The following LRP1B variants were observed in gnomAD, a reference collection of about 807,000 sequenced individuals.
The protein encoded by LRP1B is LDL receptor related protein 1B, also known as low-density lipoprotein receptor-related protein 1B.
A neutral mutation model predicts 556.6 loss-of-function variants in LRP1B; 217 were observed. The ratio of observed to expected loss-of-function variants is 0.39; its 90% CI spans 0.35 to 0.44. The LOEUF (loss-of-function observed/expected upper bound fraction) is 0.44, where lower values mean the gene tolerates loss of function less well. LRP1B is among the 20% of genes least tolerant of loss of function. The pLI, the probability that LRP1B is intolerant of heterozygous loss-of-function variation, is 1.00. For synonymous variants in LRP1B, 2,047 were observed against 1,865.8 expected (o/e 1.10, Z -2.50); for missense variants, 5,053 against 5,620.8 (o/e 0.90, Z 3.23).
At chr2:141,624,187 C>T (rs1290082370) in intron 2 of LRP1B, among the ~76,000 whole-genome samples, 1 of 151,964 alleles carries the variant, frequency 6.6e-6, no homozygotes, top group Non-Finnish European at 1.5e-5. Context: ...TTAAAGGCAG[C>T]TAGTAGGGTA....
chr2:141,958,519 T>C (rs1206948254), intron 1 of LRP1B, among the ~76,000 whole-genome samples: 1 of 151,990 alleles, frequency 6.6e-6, no homozygotes, highest in African/African-American at 2.4e-5. Context: ...ACTAATCAAC[T>C]AAAATGAATA....
chr2:141,562,454 C>T (rs1686191912), intron 2 of LRP1B, among the ~76,000 whole-genome samples: 1 of 151,924 alleles, frequency 6.6e-6, no homozygotes, highest in South Asian at 2.1e-4. Context: ...CCACTACTGA[C>T]CTCTACTACA....
chr2:141,153,712 A>T (rs897918763), intron 7 of LRP1B, among the ~76,000 whole-genome samples: 1 of 149,232 alleles, frequency 6.7e-6, no homozygotes, highest in Non-Finnish European at 1.5e-5. Context: ...AAATGAGTAA[A>T]ATCTTGAACA....
intron 41 of LRP1B, among the ~76,000 whole-genome samples, chr2:140,685,860 A>G (rs913760362): frequency 6.6e-6 from 1 of 152,174 alleles, no homozygotes; most frequent in Non-Finnish European, 1.5e-5. Context: ...GGGAGATCTT[A>G]TAGATAAAAA....
intron 3 of LRP1B, among the ~76,000 whole-genome samples, chr2:141,384,268 A>T (rs923402747): frequency 3.3e-5 from 5 of 152,154 alleles, no homozygotes; most frequent in Admixed American, 1.3e-4. Flanking sequence ...AAATGAAAGG[A>T]TACTAGAAAG....
intron 43 of LRP1B, among the ~76,000 whole-genome samples, chr2:140,576,116 G>A (rs1012372011): frequency 1.3e-5 from 2 of 152,068 alleles, no homozygotes; most frequent in Non-Finnish European, 2.9e-5. Context: ...TGCTGAAGAC[G>A]ATCCATGGAA....
intron 49 of LRP1B, among the ~76,000 whole-genome samples, chr2:140,518,879 C>G (rs541274324): frequency 2.6e-5 from 4 of 152,126 alleles, no homozygotes; most frequent in Admixed American, 2.6e-4. Flanking sequence ...TCTGCAAACA[C>G]GGACAATTTG....
At chr2:142,024,522 T>TAA (rs1245910184) in intron 1 of LRP1B, among the ~76,000 whole-genome samples, 14 of 152,014 alleles carry the variant, frequency 9.2e-5, no homozygotes, top group Non-Finnish European at 1.5e-4. Flanking sequence ...CAGTAAGAAT[T>TAA]AAACTTAAGA....
At chr2:142,056,545 A>T (rs1390540135) in intron 1 of LRP1B, among the ~76,000 whole-genome samples, 1 of 152,148 alleles carries the variant, frequency 6.6e-6, no homozygotes, top group Non-Finnish European at 1.5e-5. Flanking sequence ...TGTAATACAA[A>T]GACATATAAG....
At chr2:141,665,411 T>A (rs1690390674) in intron 2 of LRP1B, among the ~76,000 whole-genome samples, 1 of 152,164 alleles carries the variant, frequency 6.6e-6, no homozygotes, top group African/African-American at 2.4e-5. Flanking sequence ...ATGGCTATTG[T>A]TACAAAGTCA....
intron 3 of LRP1B, among the ~76,000 whole-genome samples, chr2:141,409,311 C>T (rs1690761604): frequency 6.6e-6 from 1 of 152,088 alleles, no homozygotes; most frequent in Admixed American, 6.6e-5. Flanking sequence ...AATCTTGGCT[C>T]TGTTACTTCC....
At chr2:140,470,940 C>G (rs1687743630) in intron 60 of LRP1B, among the ~76,000 whole-genome samples, 1 of 152,150 alleles carries the variant, frequency 6.6e-6, no homozygotes. Flanking sequence ...GATCCTTTCA[C>G]TGAAAGATCA....
In LRP1B at chr2:140,387,085, T is replaced by G. The variant is rs1037369698; in HGVS notation, c.10415-1076A>C. 1.1e-4 allele frequency among the ~76,000 whole-genome samples: 17 copies of G among 152,296 alleles called. No individual in the cohort carries two copies. The East Asian group carries it at 3.3e-3, about 29-fold the overall frequency. Reference sequence around the variant, plus strand: ...CACTAAAATGATAAAATTATAAGCCTTAATACAATACACAATTTAGAACAC... The same window carrying G: ...CACTAAAATGATAAAATTATAAGCCGTAATACAATACACAATTTAGAACAC... On this transcript the variant is annotated intron_variant, in intron 66 of 90. Transcript: ENST00000389484.
chr2:140,288,598 A>C (rs572069031), intron 84 of LRP1B, among the ~76,000 whole-genome samples: 56 of 151,982 alleles, frequency 3.7e-4, no homozygotes, highest in African/African-American at 1.3e-3. Flanking sequence ...GTCTCTACAT[A>C]ATTTATGTGC....
intron 1 of LRP1B, among the ~76,000 whole-genome samples, chr2:141,969,818 A>T (rs1275511530): frequency 1.3e-5 from 2 of 151,578 alleles, no homozygotes; most frequent in Non-Finnish European, 3.0e-5. Context: ...GTATCATATA[A>T]TTCTATTTTT....
intron 7 of LRP1B, among the ~76,000 whole-genome samples, chr2:141,126,732 G>A (rs900124102): frequency 6.6e-6 from 1 of 152,048 alleles, no homozygotes; most frequent in Non-Finnish European, 1.5e-5. Context: ...ACCAAAATAT[G>A]TGCTCTCTCC....
At chr2:140,820,687 A>C (rs1242743766) in intron 31 of LRP1B, among the ~76,000 whole-genome samples, 1 of 152,182 alleles carries the variant, frequency 6.6e-6, no homozygotes, top group African/African-American at 2.4e-5. Context: ...ATAGCTTGAT[A>C]AGTAAAATAG....
intron 6 of LRP1B, among the ~76,000 whole-genome samples, chr2:141,206,261 A>C (rs137899019): frequency 1.3e-5 from 2 of 152,110 alleles, no homozygotes; most frequent in Non-Finnish European, 2.9e-5. Flanking sequence ...TACTGTCCTC[A>C]TAAGTACCTA....
chr2:141,848,070 G>A (rs1034899596), intron 1 of LRP1B, among the ~76,000 whole-genome samples: 3 of 151,476 alleles, frequency 2.0e-5, no homozygotes, highest in African/African-American at 7.3e-5. Context: ...AATATAGAGA[G>A]ATGATCTACT....
Sources: allele counts gnomAD v4.1 joint callset (sites outside exome capture counted in the v4.1 genomes callset), GRCh38; gene constraint gnomAD v4.1.1; transcripts MANE v1.5; gene names NCBI Gene and HGNC (gene_info 2026-07-23, HGNC 2026-07-21).